The following NBEA variants were observed in gnomAD, a reference collection of about 807,000 sequenced individuals.
NBEA encodes neurobeachin.
NBEA carries 44 observed loss-of-function variants against 343.4 expected under a neutral mutation model. That is an observed-to-expected ratio of 0.13 (90% confidence interval 0.10 to 0.16). The LOEUF (loss-of-function observed/expected upper bound fraction) is 0.16, where lower values mean the gene tolerates loss of function less well. NBEA is among the 10% of genes least tolerant of loss of function. The probability of loss-of-function intolerance (pLI) is 1.00; values close to 1 mark genes in which losing one functional copy is unlikely to be tolerated. For missense variants in NBEA, 2,555 were observed against 3,631.3 expected, an observed-to-expected ratio of 0.70 and a Z score of 7.62; for synonymous variants, 1,175 against 1,238.7, an observed-to-expected ratio of 0.95 and a Z score of 1.08.
At chr13:35,362,877 T>G (rs2152875976) in intron 38 of NBEA, among the ~76,000 whole-genome samples, 1 of 152,052 alleles carries the variant, frequency 6.6e-6, no homozygotes, top group East Asian at 1.9e-4. Flanking sequence ...AAGCACAAAA[T>G]AATAACTTAA....
intron 38 of NBEA, among the ~76,000 whole-genome samples, chr13:35,414,397 C>A (rs187276129): frequency 2.6e-5 from 4 of 151,588 alleles, no homozygotes; most frequent in African/African-American, 9.7e-5. Flanking sequence ...CACCTCACGA[C>A]AGGCCCCAGT....
At position 34,989,842 on chromosome 13, in the gene NBEA, A is replaced by T. The variant is rs572890875; in HGVS notation, c.294+46728A>T. On this transcript the variant is annotated intron_variant, in intron 1 of 58. Transcript: ENST00000379939. ...CTGTAAAACCATAAACAAGTTAGTT[A>T]CCTCCAAGATACAATGGGGCTACAG... 7.9e-5 allele frequency among the ~76,000 whole-genome samples: 12 copies of T among 151,070 alleles called. 2 individuals carry two copies.
intron 47 of NBEA, among the ~76,000 whole-genome samples, chr13:35,597,641 A>T (rs2153045947): frequency 6.6e-6 from 1 of 152,306 alleles, no homozygotes; most frequent in Admixed American, 6.5e-5. Context: ...GTTCATGAAT[A>T]TTAAGTGACT....
intron 10 of NBEA, among the ~76,000 whole-genome samples, chr13:35,074,815 G>C (rs1041501136): frequency 3.9e-5 from 6 of 151,954 alleles, no homozygotes; most frequent in Non-Finnish European, 8.8e-5. Flanking sequence ...CTATTTTTTG[G>C]GGGGAGGGAA....
At chr13:35,210,857 A>C (rs1002790021) in intron 32 of NBEA, among the ~76,000 whole-genome samples, 196 bp from the exon 33 acceptor site, 10 of 152,184 alleles carry the variant, frequency 6.6e-5, no homozygotes, top group Non-Finnish European at 1.2e-4. Context: ...TAAGTAAATC[A>C]ATTAGATTTC....
At chr13:35,664,944 T>G (rs2085279010) in intron 55 of NBEA, 141 bp from the exon 56 acceptor site, 2 of 620,696 alleles carry the variant, frequency 3.2e-6, no homozygotes, top group Non-Finnish European at 5.8e-6. Flanking sequence ...AGCAGAGAGG[T>G]TAAGTAACTG....
At chr13:35,324,076 T>C (rs545238290) in intron 36 of NBEA, among the ~76,000 whole-genome samples, 1 of 152,312 alleles carries the variant, frequency 6.6e-6, no homozygotes, top group Admixed American at 6.5e-5. Context: ...AGTTGGCCTT[T>C]GCATTTGTGG....
At chr13:35,051,647 A>G (rs1233787977) in intron 6 of NBEA, among the ~76,000 whole-genome samples, 2 of 151,968 alleles carry the variant, frequency 1.3e-5, no homozygotes, top group African/African-American at 4.8e-5. Context: ...TTCTTTTTTA[A>G]TACAAATTGA....
At chr13:35,263,442 C>T (rs2033389218) in intron 34 of NBEA, among the ~76,000 whole-genome samples, 1 of 151,218 alleles carries the variant, frequency 6.6e-6, no homozygotes, top group Admixed American at 6.6e-5. Flanking sequence ...ACCTAACCGA[C>T]ATATTGAAAC....
chr13:35,638,472 G>A (rs974445412), intron 49 of NBEA, among the ~76,000 whole-genome samples: 4 of 152,252 alleles, frequency 2.6e-5, no homozygotes, highest in Non-Finnish European at 5.9e-5. Flanking sequence ...TGCCAAAACG[G>A]GACTTGGCAG....
intron 34 of NBEA, among the ~76,000 whole-genome samples, chr13:35,238,355 A>G (rs1355431225): frequency 6.6e-6 from 1 of 152,178 alleles, no homozygotes; most frequent in African/African-American, 2.4e-5. Flanking sequence ...AGTAACAAAG[A>G]CTACTCCCTT....
At chr13:35,020,930 C>G (rs1258192094) in intron 1 of NBEA, among the ~76,000 whole-genome samples, 3 of 152,066 alleles carry the variant, frequency 2.0e-5, no homozygotes, top group East Asian at 1.9e-4. Flanking sequence ...TTGTCTATTT[C>G]TCTTTCATTT....
Position 35,187,764 on chromosome 13 carries a change from A to G in NBEA, c.4927+3693A>G, listed in dbSNP as rs529251684. ...AAAATTTCTAGTAGTATTTAGAGTA[A>G]CATTTCACAAGGGCCCTAGATAAGA... On this transcript the variant is annotated intron_variant, in intron 30 of 58. Coordinates refer to ENST00000379939, the MANE Select transcript of NBEA (RefSeq NM_001385012.1). 1.0e-3 allele frequency among the ~76,000 whole-genome samples: 152 copies of G among 152,250 alleles called. 1 individual carries two copies. The highest frequency in any genetic ancestry group is 8.6e-3 in the Admixed American group (131 of 15,278).
intron 11 of NBEA, among the ~76,000 whole-genome samples, chr13:35,100,370 C>T (rs776953707): frequency 2.6e-5 from 4 of 151,728 alleles, no homozygotes; most frequent in Non-Finnish European, 4.4e-5. Flanking sequence ...TGATTTTTTC[C>T]ATAACATTAT....
chr13:35,213,096 C>CCTT (rs2073876839), intron 33 of NBEA, among the ~76,000 whole-genome samples: 1 of 151,860 alleles, frequency 6.6e-6, no homozygotes, highest in African/African-American at 2.4e-5. Context: ...CCCTGTCTTG[C>CCTT]CTTCTGGCTG....
intron 1 of NBEA, among the ~76,000 whole-genome samples, chr13:34,989,383 C>G (rs908890334): frequency 6.6e-6 from 1 of 150,798 alleles, no homozygotes; most frequent in Non-Finnish European, 1.5e-5. Flanking sequence ...GTACAGGAAG[C>G]CTGGCTGGGG....
chr13:35,505,525 G>C (rs1414413119), intron 41 of NBEA, among the ~76,000 whole-genome samples: 1 of 152,148 alleles, frequency 6.6e-6, no homozygotes. Flanking sequence ...CATGTAATGA[G>C]CGTAAATACG....
chr13:35,452,056 T>C, intron 39 of NBEA, 36 bp from the exon 40 acceptor site: 5 of 1,510,858 alleles, frequency 3.3e-6, no homozygotes, highest in Non-Finnish European at 3.6e-6. Flanking sequence ...GAAACAATCA[T>C]AATAACCTAA....
At chr13:35,098,995 AGTT>A (rs1566282337) in intron 11 of NBEA, among the ~76,000 whole-genome samples, 3 of 147,676 alleles carry the variant, frequency 2.0e-5, no homozygotes, top group Non-Finnish European at 4.5e-5. Context: ...GGAGTACTGT[AGTT>A]GTTTCTTTGC....
Sources: allele counts gnomAD v4.1 joint callset (sites outside exome capture counted in the v4.1 genomes callset), GRCh38; gene constraint gnomAD v4.1.1; transcripts MANE v1.5; gene names NCBI Gene and HGNC (gene_info 2026-07-23, HGNC 2026-07-21).